MCPH1: variants seen among roughly 807,000 people sequenced by gnomAD.
The protein encoded by MCPH1 is microcephalin 1.
MCPH1 carries 104 observed loss-of-function variants against 84.5 expected under a neutral mutation model. The ratio of observed to expected loss-of-function variants is 1.23; its 90% CI spans 1.05 to 1.45. MCPH1 has a LOEUF of 1.45. Ranked by LOEUF, MCPH1 falls within the 40% of genes most tolerant of loss-of-function variation. MCPH1 has a pLI of 0.00. For synonymous variants in MCPH1, 514 were observed against 366.8 expected (o/e 1.40, Z -4.58); for missense variants, 1,498 against 1,005.7 (o/e 1.49, Z -6.62).
At chr8:6,424,839 C>T (rs558692303) in intron 3 of MCPH1, among the ~76,000 whole-genome samples, 3 of 152,324 alleles carry the variant, frequency 2.0e-5, no homozygotes, top group East Asian at 3.9e-4. Context: ...CTGTGTTCTT[C>T]CTTGTGTGTC....
chr8:6,587,360 C>T (rs1196116217), intron 12 of MCPH1, among the ~76,000 whole-genome samples: 1 of 152,142 alleles, frequency 6.6e-6, no homozygotes, highest in African/African-American at 2.4e-5. Context: ...TGTCTTATTT[C>T]AGCTCATGGT....
intron 9 of MCPH1, among the ~76,000 whole-genome samples, chr8:6,466,660 C>T (rs1213279280): frequency 6.6e-6 from 1 of 151,336 alleles, no homozygotes; most frequent in African/African-American, 2.4e-5. Context: ...CAGGATGGTC[C>T]GATCTCCTGA....
chr8:6,624,120 G>A (rs1345789955), intron 13 of MCPH1, among the ~76,000 whole-genome samples: 8 of 152,162 alleles, frequency 5.3e-5, no homozygotes, highest in Admixed American at 2.6e-4. Context: ...TTGTTTTGCC[G>A]CTCGGCTCTC....
intron 9 of MCPH1, among the ~76,000 whole-genome samples, chr8:6,476,379 A>T (rs897447392): frequency 2.7e-5 from 4 of 150,204 alleles, no homozygotes; most frequent in Non-Finnish European, 5.9e-5. Context: ...CAGTGAGCCG[A>T]GATTGCACCA....
chr8:6,512,393 A>G (rs530675652), intron 12 of MCPH1, among the ~76,000 whole-genome samples: 1 of 152,284 alleles, frequency 6.6e-6, no homozygotes, highest in African/African-American at 2.4e-5. Flanking sequence ...TGACTTGGGC[A>G]TTAATGAGAT....
intron 4 of MCPH1, among the ~76,000 whole-genome samples, chr8:6,433,119 C>A (rs190021900): frequency 6.6e-6 from 1 of 152,124 alleles, no homozygotes; most frequent in African/African-American, 2.4e-5. Context: ...CATTTCATGT[C>A]GGTAGCTTTG....
chr8:6,522,167 A>G (rs1381179834), intron 12 of MCPH1, among the ~76,000 whole-genome samples: 3 of 151,926 alleles, frequency 2.0e-5, no homozygotes, highest in Non-Finnish European at 4.4e-5. Flanking sequence ...TATCCTGGCT[A>G]ACACGGTGAA....
Position 6,647,726 on chromosome 8 carries a change from G to A in MCPH1, c.*4677G>A, listed in dbSNP as rs545870729. On this transcript the variant is annotated 3_prime_UTR_variant, in exon 14 of 14. Coordinates refer to ENST00000344683, the MANE Select transcript of MCPH1 (RefSeq NM_024596.5). Reference sequence around the variant, plus strand: ...ACAAACCGCAAAACTGTAGAGGCACGAAACAGATTCATGGTCTGCTGCAGC... The same window carrying A: ...ACAAACCGCAAAACTGTAGAGGCACAAAACAGATTCATGGTCTGCTGCAGC... 1.1e-4 allele frequency: 16 copies of A among 152,296 alleles called. 1 individual carries two copies. In the East Asian group the frequency reaches 2.5e-3, roughly 24 times the overall value. The allele number at this position is 152,296 out of a possible 1,614,324, so 9.4% of individuals were successfully genotyped here.
rs74665474 is a variant in MCPH1 at position 6,577,216 on chromosome 8, G to T, written c.2215-44238G>T. ...TCCTCAGAGCATCTGCAGTGCTGCAGACAGGGCCTCCCTGCGTGGGGCTTC... is the reference window on the plus strand; with the variant it reads ...TCCTCAGAGCATCTGCAGTGCTGCATACAGGGCCTCCCTGCGTGGGGCTTC... On this transcript the variant is annotated intron_variant, in intron 12 of 13. Transcript: ENST00000344683. Among the ~76,000 whole-genome samples the T allele has an allele frequency of 4.6e-3, 693 of 152,292 alleles. 10 individuals carry two copies. The East Asian group carries it at 0.054, about 12-fold the overall frequency.
At chr8:6,476,706 C>G (rs1808506505) in intron 9 of MCPH1, among the ~76,000 whole-genome samples, 1 of 152,176 alleles carries the variant, frequency 6.6e-6, no homozygotes. Flanking sequence ...ACCCTGGGGT[C>G]CTTCAAATGC....
intron 12 of MCPH1, among the ~76,000 whole-genome samples, chr8:6,512,102 G>T (rs1441269224): frequency 2.0e-5 from 3 of 151,868 alleles, no homozygotes; most frequent in African/African-American, 7.3e-5. Flanking sequence ...CTCTCCAGGA[G>T]AGCCTGATCT....
intron 13 of MCPH1, among the ~76,000 whole-genome samples, chr8:6,624,072 G>A (rs932646559): frequency 2.0e-5 from 3 of 152,214 alleles, no homozygotes; most frequent in African/African-American, 7.2e-5. Context: ...GTCCTTGTGT[G>A]GAGTCACGCT....
intron 12 of MCPH1, among the ~76,000 whole-genome samples, chr8:6,530,367 G>A (rs1384731185): frequency 1.3e-5 from 2 of 152,048 alleles, no homozygotes; most frequent in African/African-American, 4.8e-5. Context: ...AATTTAGCCA[G>A]GTGTGGTAGC....
chr8:6,507,260 T>C (rs1477412086), intron 12 of MCPH1, among the ~76,000 whole-genome samples: 1 of 152,204 alleles, frequency 6.6e-6, no homozygotes, highest in African/African-American at 2.4e-5. Flanking sequence ...TTTAATGTAG[T>C]AACTTTCATT....
chr8:6,445,061 C>G lies in MCPH1; in HGVS notation c.1339C>G (p.Leu447Val). Residue 447 changes from leucine (L) to valine (V), a missense_variant, in exon 8 of 14, where the codon CTT becomes GTT. Coordinates refer to ENST00000344683, the MANE Select transcript of MCPH1 (RefSeq NM_024596.5). ...SSPAQLSCRSLSKKERTSIFE... is the reference protein window; with the variant it reads ...SSPAQLSCRSVSKKERTSIFE... ...CCCTGCTCAGTTGAGCTGCAGAAGT[C>G]TTTCTAAGAAGGAGAGAACAAGCAT... is the stretch of plus-strand genomic sequence containing the variant. 1 of 1,614,232 alleles carries G rather than the reference C, an allele frequency of 6.2e-7. No homozygotes were observed.
chr8:6,612,856 T>C (rs866474844), intron 12 of MCPH1, among the ~76,000 whole-genome samples: 38 of 152,322 alleles, frequency 2.5e-4, no homozygotes, highest in Non-Finnish European at 4.3e-4. Flanking sequence ...GTGAGTTTAG[T>C]GGGCGTGCGC....
At chr8:6,630,782 AAAAAAAAAAAAC>A (rs1797100906) in intron 13 of MCPH1, among the ~76,000 whole-genome samples, 1 of 119,828 alleles carries the variant, frequency 8.3e-6, no homozygotes, top group African/African-American at 3.5e-5. Flanking sequence ...ACTCTGTCCT[AAAAAAAAAAAAC>A]AAAAAAAAAA....
At chr8:6,583,858 T>TTG (rs972866543) in intron 12 of MCPH1, among the ~76,000 whole-genome samples, 10 of 147,780 alleles carry the variant, frequency 6.8e-5, no homozygotes, top group African/African-American at 1.2e-4. Flanking sequence ...TCTTGTTTTG[T>TTG]TTTTTTTTTT....
At chr8:6,559,732 G>C (rs1003185056) in intron 12 of MCPH1, among the ~76,000 whole-genome samples, 4 of 152,152 alleles carry the variant, frequency 2.6e-5, no homozygotes. Flanking sequence ...TAAATTATTT[G>C]TGAGTTTTTA....
Sources: gnomAD v4.1 joint callset for allele counts (sites outside exome capture counted in the v4.1 genomes callset) on GRCh38, gnomAD v4.1.1 for gene constraint, MANE v1.5 for transcripts, NCBI Gene and HGNC (gene_info 2026-07-23, HGNC 2026-07-21) for gene names.